FGFR2: variants seen among roughly 807,000 people sequenced by gnomAD.
The protein encoded by FGFR2 is fibroblast growth factor receptor 2.
Under a neutral mutation model 95.9 loss-of-function variants are expected in FGFR2, and 19 were observed. The observed-to-expected ratio is 0.20, with a 90% CI of 0.14 to 0.29. The LOEUF is 0.29. FGFR2 is among the 10% of genes least tolerant of loss of function. The pLI, the probability that FGFR2 is intolerant of heterozygous loss-of-function variation, is 1.00. For missense variants in FGFR2, 707 were observed against 1,056.9 expected, an observed-to-expected ratio of 0.67 and a Z score of 4.59; for synonymous variants, 392 against 393.3, an observed-to-expected ratio of 1.00 and a Z score of 0.04.
At chr10:121,596,937 G>C (rs1004163527) in intron 1 of FGFR2, among the ~76,000 whole-genome samples, 7 of 152,184 alleles carry the variant, frequency 4.6e-5, no homozygotes, top group Non-Finnish European at 7.3e-5. Flanking sequence ...AATGAGTCGA[G>C]CCCGGTGGAA....
intron 9 of FGFR2, among the ~76,000 whole-genome samples, chr10:121,504,145 T>C (rs961449322): frequency 9.9e-5 from 15 of 152,244 alleles, no homozygotes; most frequent in African/African-American, 2.7e-4. Context: ...CCAAATTTTA[T>C]GTTCCTATGT....
chr10:121,487,460 A>G lies in FGFR2; in HGVS notation c.1987-36T>C. ...AGAGGAAAATGCAAAAACTAAATAT[A>G]TTTAAAAGAATTTATCTTAGCAGGC... On this transcript the variant is annotated intron_variant, in intron 14 of 17. Coordinates refer to ENST00000358487, the MANE Select transcript of FGFR2 (RefSeq NM_000141.5). 8 of 1,535,098 alleles carry G rather than the reference A, an allele frequency of 5.2e-6. No individual in the cohort carries two copies. In the South Asian group the frequency reaches 8.0e-5, roughly 15 times the overall value.
intron 9 of FGFR2, among the ~76,000 whole-genome samples, chr10:121,510,877 C>T (rs1848967274): frequency 6.6e-6 from 1 of 151,946 alleles, no homozygotes; most frequent in Non-Finnish European, 1.5e-5. Flanking sequence ...TCTCAGCTCA[C>T]TGCAACCTCT....
intron 9 of FGFR2, among the ~76,000 whole-genome samples, chr10:121,508,593 AAAAT>A (rs1450943484): frequency 6.6e-6 from 1 of 152,196 alleles, no homozygotes; most frequent in Non-Finnish European, 1.5e-5. Flanking sequence ...GGAAAGCCTA[AAAAT>A]AAATAAATAA....
At chr10:121,526,943 A>G (rs1851457086) in intron 6 of FGFR2, 3 of 393,454 alleles carry the variant, frequency 7.6e-6, no homozygotes, top group Non-Finnish European at 1.3e-5. Context: ...CTCTTTGCAG[A>G]GAGAGTGAAG....
chr10:121,525,293 C>G (rs991428564), intron 6 of FGFR2, among the ~76,000 whole-genome samples: 1 of 152,174 alleles, frequency 6.6e-6, no homozygotes, highest in African/African-American at 2.4e-5. Flanking sequence ...CAAATTAAGA[C>G]GGAATGGAAA....
chr10:121,571,894 G>C (rs11200009), intron 2 of FGFR2, among the ~76,000 whole-genome samples: 28,177 of 150,982 alleles, frequency 0.19, 2,791 homozygotes, highest in Non-Finnish European at 0.23. Context: ...GGTGAGCTGA[G>C]CTCACGCCAT....
chr10:121,506,357 C>CAAAAAAAAAA (rs10678814), intron 9 of FGFR2, among the ~76,000 whole-genome samples: 1 of 101,140 alleles, frequency 9.9e-6, no homozygotes, highest in African/African-American at 4.1e-5. Flanking sequence ...GACTCCGTCT[C>CAAAAAAAAAA]AAAAAAAAAA....
chr10:121,492,997 G>A (rs1479013585), intron 13 of FGFR2, among the ~76,000 whole-genome samples: 1 of 152,066 alleles, frequency 6.6e-6, no homozygotes, highest in African/African-American at 2.4e-5. Context: ...CCTAGGTCTG[G>A]GACCTGCCAC....
intron 5 of FGFR2, among the ~76,000 whole-genome samples, chr10:121,542,222 T>C (rs1429429357): frequency 6.6e-6 from 1 of 152,156 alleles, no homozygotes; most frequent in Non-Finnish European, 1.5e-5. Flanking sequence ...TAAAGATGCA[T>C]ATAAAACTGA....
intron 9 of FGFR2, among the ~76,000 whole-genome samples, chr10:121,512,037 G>A (rs1849116785): frequency 6.6e-6 from 1 of 152,192 alleles, no homozygotes; most frequent in Non-Finnish European, 1.5e-5. Context: ...GTGTATGGGT[G>A]TTGGAGAGGG....
intron 5 of FGFR2, among the ~76,000 whole-genome samples, chr10:121,546,098 T>C (rs947124379): frequency 1.3e-5 from 2 of 151,692 alleles, no homozygotes; most frequent in Non-Finnish European, 2.9e-5. Context: ...ATTAATTATC[T>C]CAGCCAGCTT....
At chr10:121,562,036 C>T (rs1283503182) in intron 4 of FGFR2, among the ~76,000 whole-genome samples, 1 of 152,206 alleles carries the variant, frequency 6.6e-6, no homozygotes, top group Non-Finnish European at 1.5e-5. Context: ...ACACCAAGCA[C>T]ATCGAATGAT....
chr10:121,574,822 C>G (rs548451092), intron 2 of FGFR2, among the ~76,000 whole-genome samples: 19 of 152,336 alleles, frequency 1.2e-4, no homozygotes, highest in African/African-American at 4.6e-4. Flanking sequence ...TGAAAGTTCT[C>G]TACCTCGAGA....
chr10:121,574,380 T>A (rs1859350799), intron 2 of FGFR2, among the ~76,000 whole-genome samples: 1 of 151,686 alleles, frequency 6.6e-6, no homozygotes, highest in Non-Finnish European at 1.5e-5. Context: ...AACACAAAAA[T>A]TAGATGGGCA....
intron 2 of FGFR2, among the ~76,000 whole-genome samples, chr10:121,571,647 C>CA (rs1429168990): frequency 1.4e-3 from 136 of 95,116 alleles, no homozygotes; most frequent in Non-Finnish European, 2.2e-3. Context: ...AACAAACAAA[C>CA]AAACAAAAAC....
rs1182313371 is a variant in FGFR2, at chr10:121,517,184, G to A, written c.1084+135C>T. 1.0e-6 allele frequency: 1 copy of A among 969,948 alleles called. No individual in the cohort carries two copies. Among genetic ancestry groups the A allele is most frequent in the African/African-American group, 1.6e-5 (1 of 61,552 alleles). 60.1% of individuals were successfully genotyped at this position (969,948 alleles called of 1,614,324 possible). ...TCCAAGGCAGTTTTCTTATCCCTGA[G>A]GGATCATTTTTAACATTTTTTATAT... On this transcript the variant is annotated intron_variant, in intron 8 of 17. Transcript: ENST00000358487. This position sits in a 1 kb window ranked among gnomAD's most constrained non-coding sequence, Gnocchi z 4.7.
intron 4 of FGFR2, among the ~76,000 whole-genome samples, chr10:121,553,959 C>A (rs1393523811): frequency 6.6e-6 from 1 of 152,250 alleles, no homozygotes; most frequent in Non-Finnish European, 1.5e-5. Context: ...AGCCCATGGG[C>A]AACCCGCACC....
chr10:121,565,176 CAAAAAAA>C (rs71865754), intron 3 of FGFR2, among the ~76,000 whole-genome samples: 3 of 97,990 alleles, frequency 3.1e-5, no homozygotes, highest in East Asian at 2.9e-4. Flanking sequence ...GTCAGTGGTA[CAAAAAAA>C]AAAAAAAAAA....
Sources: allele counts gnomAD v4.1 joint callset (sites outside exome capture counted in the v4.1 genomes callset), GRCh38; gene constraint gnomAD v4.1.1; non-coding constraint Gnocchi (gnomAD v3.1); transcripts MANE v1.5; gene names NCBI Gene and HGNC (gene_info 2026-07-23, HGNC 2026-07-21).